The following ACVR1C variants were observed in gnomAD, a reference collection of about 807,000 sequenced individuals.
The protein encoded by ACVR1C is activin receptor type-1C.
A neutral mutation model predicts 57.9 loss-of-function variants in ACVR1C; 23 were observed. The observed-to-expected ratio is 0.40, with a 90% confidence interval of 0.29 to 0.56. ACVR1C has a LOEUF of 0.56. Among genes scored for constraint, ACVR1C ranks in the 20% least tolerant of loss-of-function variants. The probability of loss-of-function intolerance (pLI) is 0.50; values close to 1 mark genes in which losing one functional copy is unlikely to be tolerated. For synonymous variants in ACVR1C, 214 were observed against 215.3 expected, an observed-to-expected ratio of 0.99 and a Z score of 0.05; for missense variants, 480 against 607.9, an observed-to-expected ratio of 0.79 and a Z score of 2.21.
At chr2:157,578,328 C>T (rs1688712216) in intron 2 of ACVR1C, among the ~76,000 whole-genome samples, 1 of 152,144 alleles carries the variant, frequency 6.6e-6, no homozygotes, top group Admixed American at 6.5e-5. Flanking sequence ...CATTTTAAAG[C>T]ATTAATGCTT....
rs1171929663 is a variant in ACVR1C at position 157,533,816 on chromosome 2, A to G, written c.*102T>C. Reference sequence around the variant, plus strand: ...GGGCACTTAAATACTGTACTGTCTTATCTTTGAGGTAGAACAAAAAAAAAA... The same window carrying G: ...GGGCACTTAAATACTGTACTGTCTTGTCTTTGAGGTAGAACAAAAAAAAAA... On this transcript the variant is annotated 3_prime_UTR_variant, in exon 9 of 9. Coordinates refer to ENST00000243349, the MANE Select transcript of ACVR1C (RefSeq NM_145259.3). The G allele has an allele frequency of 8.0e-7, 1 of 1,250,224 alleles. No individual in the cohort carries two copies. Among genetic ancestry groups the G allele is most frequent in the Non-Finnish European group, 1.1e-6 (1 of 937,566 alleles). 77.4% of individuals were successfully genotyped at this position (1,250,224 alleles called of 1,614,324 possible).
intron 2 of ACVR1C, among the ~76,000 whole-genome samples, chr2:157,566,367 C>G (rs1435868945): frequency 2.6e-5 from 4 of 152,180 alleles, no homozygotes; most frequent in Non-Finnish European, 2.9e-5. Context: ...GCCAAGATGG[C>G]CGAATAGGAA....
intron 3 of ACVR1C, 127 bp from the exon 4 acceptor site, chr2:157,550,519 G>T (rs1687889095): frequency 1.2e-6 from 1 of 835,044 alleles, no homozygotes. Flanking sequence ...CTATTTTGAA[G>T]GAATAAGTAC....
At chr2:157,575,813 T>C (rs572638883) in intron 2 of ACVR1C, among the ~76,000 whole-genome samples, 25 of 152,162 alleles carry the variant, frequency 1.6e-4, no homozygotes, top group Non-Finnish European at 3.4e-4. Flanking sequence ...ATTACGGTTT[T>C]TTTAATTAGA....
intron 1 of ACVR1C, among the ~76,000 whole-genome samples, chr2:157,606,249 G>A (rs930977648): frequency 6.6e-6 from 1 of 151,732 alleles, no homozygotes; most frequent in Non-Finnish European, 1.5e-5. Flanking sequence ...TTTGAGTAGT[G>A]CTGTGATAAA....
chr2:157,604,574 C>G (rs1234654180), intron 1 of ACVR1C, among the ~76,000 whole-genome samples: 3 of 151,792 alleles, frequency 2.0e-5, no homozygotes, highest in Admixed American at 1.3e-4. Context: ...AGTTTTATTT[C>G]TCTTTGCTAA....
At chr2:157,554,058 C>G (rs1687989588) in intron 3 of ACVR1C, among the ~76,000 whole-genome samples, 1 of 151,008 alleles carries the variant, frequency 6.6e-6, no homozygotes, top group Admixed American at 6.6e-5. Flanking sequence ...TGGGGCACAC[C>G]TGTAATTCTA....
intron 4 of ACVR1C, among the ~76,000 whole-genome samples, chr2:157,546,522 T>A (rs1436967095): frequency 6.6e-6 from 1 of 152,174 alleles, no homozygotes; most frequent in East Asian, 1.9e-4. Context: ...CAATGGTGGA[T>A]CCTTGACATT....
At chr2:157,591,860 C>T (rs1015036585) in intron 1 of ACVR1C, among the ~76,000 whole-genome samples, 12 of 151,980 alleles carry the variant, frequency 7.9e-5, no homozygotes, top group African/African-American at 2.9e-4. Flanking sequence ...CAAAATGAGG[C>T]TCAAAAAGAC....
Position 157,576,296 on chromosome 2 carries a change from C to A in ACVR1C, c.304+10891G>T, listed in dbSNP as rs1165487033. On this transcript the variant is annotated intron_variant, in intron 2 of 8. Coordinates refer to ENST00000243349, the MANE Select transcript of ACVR1C (RefSeq NM_145259.3). ...TCTCAGCTCACTGCAACCTCCACCT[C>A]CCGGGTTCAAGCAATTCTCCTGCCT... Among the ~76,000 whole-genome samples the A allele has an allele frequency of 4.0e-5, 6 of 150,552 alleles. No homozygotes were observed. The East Asian group carries it at 1.2e-3, about 29-fold the overall frequency.
Sources: gnomAD v4.1 joint callset for allele counts (sites outside exome capture counted in the v4.1 genomes callset) on GRCh38, gnomAD v4.1.1 for gene constraint, MANE v1.5 for transcripts, NCBI Gene and HGNC (gene_info 2026-07-23, HGNC 2026-07-21) for gene names.